The following ANTXR2 variants were observed in gnomAD, a reference collection of about 807,000 sequenced individuals.
ANTXR2 encodes the protein anthrax toxin receptor 2.
ANTXR2 carries 44 observed loss-of-function variants against 73.7 expected under a neutral mutation model. That is an observed-to-expected ratio of 0.60 (90% CI 0.47 to 0.77). ANTXR2 has a LOEUF of 0.77. ANTXR2 is among the 30% of genes least tolerant of loss of function. ANTXR2 has a pLI of 0.00. For synonymous variants in ANTXR2, 217 were observed against 205.9 expected, an observed-to-expected ratio of 1.05 and a Z score of -0.46; for missense variants, 604 against 592.5, an observed-to-expected ratio of 1.02 and a Z score of -0.20.
chr4:79,962,264 T>C lies in ANTXR2; in HGVS notation c.1428+15357A>G, dbSNP rs185841042. Among the ~76,000 whole-genome samples the C allele has an allele frequency of 1.1e-3, 169 of 152,290 alleles. 2 individuals are homozygous for C. The highest frequency in any genetic ancestry group is 3.9e-3 in the African/African-American group (162 of 41,568). ...ATATGCATATATATAGTTATAAACA[T>C]GCTATATGCACATTCATATATATAT... On this transcript the variant is annotated intron_variant, in intron 16 of 16. Coordinates refer to ENST00000403729, the MANE Select transcript of ANTXR2 (RefSeq NM_058172.6).
At chr4:79,966,302 T>C in intron 16 of ANTXR2, among the ~76,000 whole-genome samples, 1 of 152,210 alleles carries the variant, frequency 6.6e-6, no homozygotes, top group African/African-American at 2.4e-5. Context: ...GTACATGTAA[T>C]TCCATGAGAT....
At chr4:80,036,878 G>A (rs894519029) in intron 7 of ANTXR2, among the ~76,000 whole-genome samples, 2 of 152,112 alleles carry the variant, frequency 1.3e-5, no homozygotes, top group Admixed American at 6.6e-5. Context: ...CTTAATTCCT[G>A]TGGGTGCTAG....
chr4:79,923,115 T>G (rs914073451), intron 16 of ANTXR2, among the ~76,000 whole-genome samples: 6 of 152,032 alleles, frequency 3.9e-5, no homozygotes, highest in African/African-American at 1.4e-4. Context: ...GAATGAATGA[T>G]CACTACTGGG....
chr4:80,033,478 T>C lies in ANTXR2; in HGVS notation c.790A>G (p.Thr264Ala). 14 of 1,597,392 alleles carry C rather than the reference T, an allele frequency of 8.8e-6. No homozygotes were observed. Among genetic ancestry groups the C allele is most frequent in the East Asian group, 2.3e-5 (1 of 44,058 alleles). ...GAGATTACTGGGGACCTACTCGTTGTATATGTTTCATTTACAGTGTAAGTG... is the reference window on the plus strand; with the variant it reads ...GAGATTACTGGGGACCTACTCGTTGCATATGTTTCATTTACAGTGTAAGTG... The part of the protein sequence containing the change: ...LCTYTVNETY[T>A]TSVKPVSVQL... The change falls in exon 9 of 17, where the codon ACA becomes GCA. Residue 264 changes from threonine (T) to alanine (A), a missense_variant. Physicochemically the swap from Thr to Ala is moderately conservative, Grantham distance 58 (BLOSUM62 0). Coordinates refer to ENST00000403729, the MANE Select transcript of ANTXR2 (RefSeq NM_058172.6).
At chr4:79,937,243 G>A (rs902980526) in intron 16 of ANTXR2, among the ~76,000 whole-genome samples, 13 of 151,972 alleles carry the variant, frequency 8.6e-5, no homozygotes, top group African/African-American at 3.1e-4. Context: ...AACCTCAAAA[G>A]ATTCACATTT....
chr4:79,912,794 A>C (rs1445362868), intron 16 of ANTXR2, among the ~76,000 whole-genome samples: 1 of 152,160 alleles, frequency 6.6e-6, no homozygotes, highest in African/African-American at 2.4e-5. Context: ...GACTAGTTGA[A>C]TAAATTCAGA....
intron 16 of ANTXR2, among the ~76,000 whole-genome samples, chr4:79,952,416 A>G (rs1728741280): frequency 6.6e-6 from 1 of 151,774 alleles, no homozygotes; most frequent in Admixed American, 6.6e-5. Context: ...TTTTTAAAGA[A>G]AAAAATTTTT....
chr4:80,015,795 GAAGA>G (rs1244297983), intron 11 of ANTXR2, among the ~76,000 whole-genome samples: 4 of 135,646 alleles, frequency 2.9e-5, no homozygotes, highest in African/African-American at 1.1e-4. Context: ...AGGTGGGAGA[GAAGA>G]AAGAAGGAAG....
intron 12 of ANTXR2, among the ~76,000 whole-genome samples, chr4:80,008,052 G>A (rs527393815): frequency 6.6e-6 from 1 of 152,198 alleles, no homozygotes; most frequent in South Asian, 2.1e-4. Flanking sequence ...TAACAGATAT[G>A]CTGACAATTG....
chr4:80,051,075 C>T (rs184109348), intron 7 of ANTXR2, among the ~76,000 whole-genome samples: 135 of 151,790 alleles, frequency 8.9e-4, no homozygotes, highest in African/African-American at 3.1e-3. Flanking sequence ...CTTTGTTTCT[C>T]ATTAAATCTA....
intron 11 of ANTXR2, among the ~76,000 whole-genome samples, chr4:80,015,259 TG>T (rs2110064490): frequency 6.6e-6 from 1 of 152,300 alleles, no homozygotes; most frequent in East Asian, 1.9e-4. Context: ...TCGCTTTGGA[TG>T]TTTCCAATGG....
chr4:79,978,318 A>T, intron 14 of ANTXR2, 144 bp from the exon 15 acceptor site: 1 of 665,446 alleles, frequency 1.5e-6, no homozygotes, highest in Non-Finnish European at 2.2e-6. Context: ...TCTCCTCTTC[A>T]GAGGCTAAAT....
chr4:80,000,918 A>G (rs901717533), intron 12 of ANTXR2, among the ~76,000 whole-genome samples: 8 of 152,018 alleles, frequency 5.3e-5, no homozygotes, highest in African/African-American at 1.9e-4. Context: ...CCTCTAGCAA[A>G]TCATATCACC....
chr4:79,907,499 T>C (rs769564014), intron 16 of ANTXR2, 32 bp from the exon 17 acceptor site: 48 of 1,600,296 alleles, frequency 3.0e-5, no homozygotes, highest in Non-Finnish European at 3.9e-5. Context: ...TATTGAAATA[T>C]TGAAGCCATT....
intron 12 of ANTXR2, among the ~76,000 whole-genome samples, chr4:80,004,579 T>A (rs925561685): frequency 2.0e-5 from 3 of 152,050 alleles, no homozygotes; most frequent in African/African-American, 7.2e-5. Flanking sequence ...TCACTCCAAT[T>A]TCTGCATCTA....
At chr4:80,069,787 T>C (rs564702400) in intron 2 of ANTXR2, among the ~76,000 whole-genome samples, 34 of 152,236 alleles carry the variant, frequency 2.2e-4, no homozygotes, top group Non-Finnish European at 5.0e-4. Flanking sequence ...TCTAAGCTGA[T>C]GTAAAATTCT....
chr4:79,985,420 GCTAGGTCAAA>G (rs902947549), intron 12 of ANTXR2, among the ~76,000 whole-genome samples: 4 of 151,980 alleles, frequency 2.6e-5, no homozygotes, highest in African/African-American at 9.7e-5. Flanking sequence ...GACTTCTCAG[GCTAGGTCAAA>G]AGAACTTAAT....
intron 14 of ANTXR2, among the ~76,000 whole-genome samples, 195 bp from the exon 15 acceptor site, chr4:79,978,369 CAAA>C (rs34603918): frequency 1.5e-5 from 2 of 136,322 alleles, no homozygotes; most frequent in Non-Finnish European, 1.6e-5. Context: ...TATTAAGATC[CAAA>C]AAAAAAAAAA....
At chr4:80,015,475 C>T (rs1422889569) in intron 11 of ANTXR2, among the ~76,000 whole-genome samples, 1 of 152,168 alleles carries the variant, frequency 6.6e-6, no homozygotes, top group Non-Finnish European at 1.5e-5. Flanking sequence ...AAAGCTTTCT[C>T]TGTGCCTTTT....
Sources: gnomAD v4.1 joint callset for allele counts (sites outside exome capture counted in the v4.1 genomes callset) on GRCh38, gnomAD v4.1.1 for gene constraint, MANE v1.5 for transcripts, NCBI Gene and HGNC (gene_info 2026-07-23, HGNC 2026-07-21) for gene names.